IGLL5: variants seen among roughly 807,000 people sequenced by gnomAD.
IGLL5 encodes the protein immunoglobulin lambda like polypeptide 5, also known as immunoglobulin lambda-like polypeptide 5.
A neutral mutation model predicts 20.9 loss-of-function variants in IGLL5; 30 were observed. That is an observed-to-expected ratio of 1.44 (90% CI 1.07 to 1.95). The LOEUF is 1.95. IGLL5 is among the 30% of genes most tolerant of loss of function. The pLI is 0.00. For missense variants in IGLL5, 475 were observed against 270.7 expected (o/e 1.75, Z -5.30); for synonymous variants, 203 against 117.3 (o/e 1.73, Z -4.72).
At position 22,887,959 on chromosome 22, in the gene IGLL5, T is replaced by C. The variant is rs1215904885; in HGVS notation, c.-95T>C. The C allele has an allele frequency of 1.0e-5, 10 of 993,554 alleles. No homozygotes were observed. In the East Asian group the frequency reaches 1.3e-4, roughly 13 times the overall value. 61.5% of individuals were successfully genotyped at this position (993,554 alleles called of 1,614,324 possible). On this transcript the variant is annotated 5_prime_UTR_variant, in exon 1 of 3. Transcript: ENST00000526893. ...ACAGAGCCAATGGACTGGGGTGTAC[T>C]GTAACAGCCCTGCTGGCGAGAGGGA...
chr22:22,891,627 ATAATG>A, intron 1 of IGLL5, among the ~76,000 whole-genome samples: 1 of 151,422 alleles, frequency 6.6e-6, no homozygotes, highest in East Asian at 2.0e-4. Context: ...TGCTATCTTT[ATAATG>A]CTCAGTGTTT....
rs765157551 is a variant in IGLL5, at chr22:22,895,692, T to C, written c.643T>C (p.Ter215GlnextTer39). Reference sequence around the variant, plus strand: ...GACAGTGGCCCCTACAGAATGTTCATAGGTTCCCAACTCTAACCCCACCCA... The same window carrying C: ...GACAGTGGCCCCTACAGAATGTTCACAGGTTCCCAACTCTAACCCCACCCA... ...EKTVAPTECS[*>Q] The change falls in exon 3 of 3, where the codon TAG (stop) becomes CAG (glutamine). Residue 215 changes from the stop codon to glutamine, a stop_lost. Coordinates refer to ENST00000526893, the MANE Select transcript of IGLL5 (RefSeq NM_001178126.2). 3.6e-5 allele frequency: 58 copies of C among 1,612,940 alleles called. No individual in the cohort carries two copies. Among genetic ancestry groups the C allele is most frequent in the Non-Finnish European group, 4.7e-5 (55 of 1,179,630 alleles).
chr22:22,888,206 C>G lies in IGLL5; in HGVS notation c.153C>G (p.Asp51Glu), dbSNP rs759339896. Reference sequence around the variant, plus strand: ...TTGCACCGCAAAGCGGGGACCCAGACCCTGGAGCCTCAGTTGGAAGCAGCC... The same window carrying G: ...TTGCACCGCAAAGCGGGGACCCAGAGCCTGGAGCCTCAGTTGGAAGCAGCC... Reference protein sequence around the residue: ...PMVAPQSGDPDPGASVGSSRS... With the variant: ...PMVAPQSGDPEPGASVGSSRS... The change falls in exon 1 of 3, where the codon GAC becomes GAG. Residue 51 changes from aspartate to glutamate, a missense_variant. Asp to Glu is a conservative substitution (Grantham distance 45, BLOSUM62 2). Coordinates refer to ENST00000526893, the MANE Select transcript of IGLL5 (RefSeq NM_001178126.2). The G allele has an allele frequency of 1.3e-6, 2 of 1,548,620 alleles. No individual in the cohort carries two copies. Among genetic ancestry groups the G allele is most frequent in the African/African-American group, 1.4e-5 (1 of 72,870 alleles).
Position 22,895,572 on chromosome 22 carries a change from G to T in IGLL5, c.523G>T (p.Ala175Ser). The T allele has an allele frequency of 5.0e-6, 8 of 1,613,178 alleles. No individual in the cohort carries two copies. The highest frequency in any genetic ancestry group is 6.8e-6 in the Non-Finnish European group (8 of 1,179,772). The change falls in exon 3 of 3, where the codon GCG becomes TCG. Residue 175 changes from alanine to serine, a missense_variant. Coordinates refer to ENST00000526893, the MANE Select transcript of IGLL5 (RefSeq NM_001178126.2). ...KPSKQSNNKY[A>S]ASSYLSLTPE... ...CTCCAAACAGAGCAACAACAAGTAC[G>T]CGGCCAGCAGCTACCTGAGCCTGAC...
At position 22,888,812 on chromosome 22, in the gene IGLL5, T is replaced by G. The variant is rs573075710; in HGVS notation, c.206+553T>G. 1.3e-5 allele frequency among the ~76,000 whole-genome samples: 2 copies of G among 151,294 alleles called. 1 individual carries two copies. Among genetic ancestry groups the G allele is most frequent in the African/African-American group, 4.8e-5 (2 of 41,276 alleles). On this transcript the variant is annotated intron_variant, in intron 1 of 2. Transcript: ENST00000526893. ...GGGTGGGATGAACCGAGGGGAGCTG[T>G]CCAGTCATTGGAACAGGCCCACGGC...
In IGLL5 at chr22:22,894,969, G is replaced by A. The variant is rs117674617; in HGVS notation, c.326-406G>A. Reference sequence around the variant, plus strand: ...GATGAGCAGGGGACCCACAGTTCACGGAGGAGGCTCTAGGTCCTGGAAGAA... The same window carrying A: ...GATGAGCAGGGGACCCACAGTTCACAGAGGAGGCTCTAGGTCCTGGAAGAA... On this transcript the variant is annotated intron_variant, in intron 2 of 2. Coordinates refer to ENST00000526893, the MANE Select transcript of IGLL5 (RefSeq NM_001178126.2). Among the ~76,000 whole-genome samples the A allele has an allele frequency of 3.3e-3, 505 of 151,498 alleles. 17 individuals carry two copies. The South Asian group carries it at 0.064, about 19-fold the overall frequency.
At position 22,888,035 on chromosome 22, in the gene IGLL5, C is replaced by G. The variant is rs547538853; in HGVS notation, c.-19C>G. On this transcript the variant is annotated 5_prime_UTR_variant, in exon 1 of 3. Transcript: ENST00000526893. ...CATGCTGCAAGTCGGGCCAGAGGTG[C>G]CCCTGAACCTGAAGGCCAATGAGAC... The G allele has an allele frequency of 1.9e-3, 2,999 of 1,545,490 alleles. 4 individuals carry two copies. Among genetic ancestry groups the G allele is most frequent in the Non-Finnish European group, 1.9e-3 (2,183 of 1,143,154 alleles).
At chr22:22,894,250 T>C (rs139454784) in intron 2 of IGLL5, among the ~76,000 whole-genome samples, 17 of 149,690 alleles carry the variant, frequency 1.1e-4, no homozygotes, top group Middle Eastern at 4.0e-3. Flanking sequence ...GCTGAGGGTC[T>C]AGGCTGAGGA....
At chr22:22,890,121 A>T (rs2067777205) in intron 1 of IGLL5, among the ~76,000 whole-genome samples, 2 of 150,398 alleles carry the variant, frequency 1.3e-5, no homozygotes, top group East Asian at 2.1e-4. Flanking sequence ...TAATGAGTAT[A>T]TTACAAAATG....
At chr22:22,888,293 T>G (rs556107715) in intron 1 of IGLL5, 34 bp downstream of exon 1, 2 of 1,537,654 alleles carry the variant, frequency 1.3e-6, no homozygotes, top group South Asian at 1.2e-5. Flanking sequence ...GATGTGGGGG[T>G]CCTGCAGCAG....
At chr22:22,894,641 A>C (rs567357132) in intron 2 of IGLL5, among the ~76,000 whole-genome samples, 1 of 150,266 alleles carries the variant, frequency 6.7e-6, no homozygotes, top group Admixed American at 6.7e-5. Context: ...CATGGCTACC[A>C]GGTGAAGTTT....
chr22:22,891,002 T>C (rs2067828825), intron 1 of IGLL5, among the ~76,000 whole-genome samples: 1 of 151,208 alleles, frequency 6.6e-6, no homozygotes, highest in African/African-American at 2.4e-5. Context: ...TTTTAACCAC[T>C]TGTTTAGTGT....
At chr22:22,889,560 T>C (rs2067733164) in intron 1 of IGLL5, among the ~76,000 whole-genome samples, 1 of 151,002 alleles carries the variant, frequency 6.6e-6, no homozygotes, top group Non-Finnish European at 1.5e-5. Context: ...CCAGAAAGGG[T>C]GTGAAAAAAC....
intron 1 of IGLL5, among the ~76,000 whole-genome samples, chr22:22,888,637 C>A (rs149472028): frequency 1.3e-5 from 2 of 151,252 alleles, no homozygotes; most frequent in Admixed American, 6.6e-5. Flanking sequence ...CCTCCCCCTC[C>A]TCCTCTCTGC....
chr22:22,889,152 A>G (rs563253555), intron 1 of IGLL5, among the ~76,000 whole-genome samples: 1 of 151,052 alleles, frequency 6.6e-6, no homozygotes, highest in African/African-American at 2.4e-5. Flanking sequence ...ACGCCCGATT[A>G]GAGGAGGGAG....
At chr22:22,894,467 A>C (rs548870800) in intron 2 of IGLL5, among the ~76,000 whole-genome samples, 1 of 151,236 alleles carries the variant, frequency 6.6e-6, no homozygotes, top group East Asian at 2.0e-4. Flanking sequence ...CAGTCACCAG[A>C]AAGGAGACAG....
At chr22:22,894,039 AGC>A in intron 2 of IGLL5, among the ~76,000 whole-genome samples, 1 of 150,534 alleles carries the variant, frequency 6.6e-6, no homozygotes, top group African/African-American at 2.5e-5. Flanking sequence ...CCGGGGCCTG[AGC>A]TGGGATTGGG....
At chr22:22,889,103 G>A (rs2067686219) in intron 1 of IGLL5, among the ~76,000 whole-genome samples, 5 of 151,194 alleles carry the variant, frequency 3.3e-5, no homozygotes, top group East Asian at 4.1e-4. Flanking sequence ...TCAGATTTGT[G>A]TTTTTGGAAA....
At chr22:22,891,366 T>C (rs2146014855) in intron 1 of IGLL5, among the ~76,000 whole-genome samples, 1 of 151,388 alleles carries the variant, frequency 6.6e-6, no homozygotes. Context: ...ATTACTGATT[T>C]ATTACATTCT....
Sources: gnomAD v4.1 joint callset for allele counts (sites outside exome capture counted in the v4.1 genomes callset) on GRCh38, gnomAD v4.1.1 for gene constraint, MANE v1.5 for transcripts, NCBI Gene and HGNC (gene_info 2026-07-23, HGNC 2026-07-21) for gene names.